Variants in RAB11FIP4 observed in about 807,000 individuals in gnomAD.
RAB11FIP4 encodes the protein rab11 family-interacting protein 4.
Under a neutral mutation model 74.3 loss-of-function variants are expected in RAB11FIP4, and 23 were observed. That is an observed-to-expected ratio of 0.31 (90% confidence interval 0.22 to 0.44). RAB11FIP4 has a LOEUF of 0.44. RAB11FIP4 is among the 20% of genes least tolerant of loss of function. The pLI is 1.00. For missense variants in RAB11FIP4, 630 were observed against 863.9 expected, an observed-to-expected ratio of 0.73 and a Z score of 3.39; for synonymous variants, 360 against 359.9, an observed-to-expected ratio of 1.00 and a Z score of 0.00.
intron 1 of RAB11FIP4, among the ~76,000 whole-genome samples, chr17:31,404,192 C>T (rs553134025): frequency 3.3e-4 from 51 of 152,360 alleles, no homozygotes; most frequent in African/African-American, 1.2e-3. Context: ...GTTGGCCGCC[C>T]CGCCAGCCCG....
At chr17:31,447,613 C>T (rs545261386) in intron 3 of RAB11FIP4, among the ~76,000 whole-genome samples, 2 of 152,266 alleles carry the variant, frequency 1.3e-5, no homozygotes, top group Admixed American at 6.5e-5. Context: ...ACCTCCGCCT[C>T]CCGGGTTCAA....
rs1160398821 is a variant in RAB11FIP4, at chr17:31,512,263, G to A, written c.337-5388G>A. On this transcript the variant is annotated intron_variant, in intron 3 of 14. Transcript: ENST00000621161. The surrounding 1 kb of genome is among the most constrained non-coding windows in gnomAD (Gnocchi z 4.1). ...CCGACTCTCCGGTGTAAATTGTCACGTGTGGCCCCCTAGAGCTGCCACTGA... is the reference window on the plus strand; with the variant it reads ...CCGACTCTCCGGTGTAAATTGTCACATGTGGCCCCCTAGAGCTGCCACTGA... Among the ~76,000 whole-genome samples, 2 of 152,104 alleles carry A rather than the reference G, an allele frequency of 1.3e-5. No individual in the cohort carries two copies. The highest frequency in any genetic ancestry group is 1.9e-4 in the East Asian group (1 of 5,188).
At chr17:31,463,805 T>A (rs1275423407) in intron 3 of RAB11FIP4, among the ~76,000 whole-genome samples, 2 of 76,684 alleles carry the variant, frequency 2.6e-5, no homozygotes, top group African/African-American at 1.2e-4. Flanking sequence ...CGCCTGGACT[T>A]TTTTTTTTTT....
rs1446327879 is a variant in RAB11FIP4 at position 31,505,560 on chromosome 17, T to TATA, written c.337-12091_337-12090insATA. The stretch of plus-strand genomic sequence containing the variant: ...TATTATATATTATATATAATAATAA[T>TATA]TATAATATATAATAATATATAATAA... On this transcript the variant is annotated intron_variant, in intron 3 of 14. Transcript: ENST00000621161. 6.7e-5 allele frequency among the ~76,000 whole-genome samples: 6 copies of TATA among 89,774 alleles called. No homozygotes were observed. In the Admixed American group the frequency reaches 9.6e-4, roughly 14 times the overall value. The allele number at this position is 89,774 out of a possible 152,430, so 58.9% of individuals were successfully genotyped here. A position where few individuals can be genotyped will look rare whatever the true frequency, so the allele number is the denominator to read the frequency against.
chr17:31,437,090 C>T (rs1410765370), intron 3 of RAB11FIP4, among the ~76,000 whole-genome samples: 1 of 152,204 alleles, frequency 6.6e-6, no homozygotes, highest in Non-Finnish European at 1.5e-5. Context: ...GAACTCCTTT[C>T]TGCCCTCCAT....
chr17:31,525,138 G>A lies in RAB11FIP4; in HGVS notation c.1182G>A (p.Glu394=), dbSNP rs1213048947. ...EMVKDQETTA[E]QALEEEARRH... Reference sequence around the variant, plus strand: ...TGAAGGATCAGGAGACCACGGCCGAGCAGGCTCTGGAGGAGGAGGCGCGGC... The same window carrying A: ...TGAAGGATCAGGAGACCACGGCCGAACAGGCTCTGGAGGAGGAGGCGCGGC... The change falls in exon 10 of 15, where the codon GAG becomes GAA. Residue 394 remains glutamate, a synonymous_variant. Coordinates refer to ENST00000621161, the MANE Select transcript of RAB11FIP4 (RefSeq NM_032932.6). 3.9e-6 allele frequency: 6 copies of A among 1,550,016 alleles called. No individual in the cohort carries two copies. Among genetic ancestry groups the A allele is most frequent in the South Asian group, 2.4e-5 (2 of 84,006 alleles).
At chr17:31,433,894 C>G in intron 2 of RAB11FIP4, 140 bp from the exon 3 acceptor site, 1 of 748,212 alleles carries the variant, frequency 1.3e-6, no homozygotes, top group South Asian at 1.6e-5. Flanking sequence ...TCCCTGCCTT[C>G]CAGTGCTCAG....
At chr17:31,431,638 G>A (rs2071310333) in intron 1 of RAB11FIP4, 175 bp from the exon 2 acceptor site, 1 of 562,134 alleles carries the variant, frequency 1.8e-6, no homozygotes, top group African/African-American at 2.0e-5. Flanking sequence ...CGAGTTGTCT[G>A]TCACCATGGG....
At chr17:31,519,830 C>T (rs777488843) in intron 4 of RAB11FIP4, among the ~76,000 whole-genome samples, 15 of 151,910 alleles carry the variant, frequency 9.9e-5, no homozygotes, top group Admixed American at 8.5e-4. Flanking sequence ...CCGTGCTGCT[C>T]GTGCTGCTCT....
chr17:31,473,898 G>A (rs961114613), intron 3 of RAB11FIP4, among the ~76,000 whole-genome samples: 29 of 152,222 alleles, frequency 1.9e-4, no homozygotes, highest in Non-Finnish European at 7.4e-5. Flanking sequence ...AGTGTTGGCT[G>A]CTGCAGACCG....
intron 3 of RAB11FIP4, among the ~76,000 whole-genome samples, chr17:31,508,110 G>C (rs1404543972): frequency 6.6e-6 from 1 of 152,192 alleles, no homozygotes; most frequent in African/African-American, 2.4e-5. Context: ...TTACAGGTGT[G>C]AGCCACTGTG....
At chr17:31,492,472 T>C (rs1385503870) in intron 3 of RAB11FIP4, among the ~76,000 whole-genome samples, 2 of 152,136 alleles carry the variant, frequency 1.3e-5, no homozygotes, top group Non-Finnish European at 2.9e-5. Flanking sequence ...GCAGGGTGTC[T>C]TGGCTACCTC....
At chr17:31,437,288 C>A (rs2071368294) in intron 3 of RAB11FIP4, among the ~76,000 whole-genome samples, 1 of 152,180 alleles carries the variant, frequency 6.6e-6, no homozygotes, top group Non-Finnish European at 1.5e-5. Context: ...CCTGACGGGG[C>A]AGACGGCTTC....
intron 1 of RAB11FIP4, among the ~76,000 whole-genome samples, chr17:31,410,653 G>A (rs2071085400): frequency 6.6e-6 from 1 of 152,180 alleles, no homozygotes; most frequent in East Asian, 1.9e-4. Context: ...CACCCTTGGA[G>A]GGGCTGGGAC....
At position 31,391,977 on chromosome 17, in the gene RAB11FIP4, C is replaced by A. The variant is rs1313522788; in HGVS notation, c.125C>A (p.Ala42Glu). Residue 42 changes from alanine (A) to glutamate (E), a missense_variant, in exon 1 of 15, where the codon GCG (alanine) becomes GAG (glutamate). Physicochemically the swap from Ala to Glu is moderately radical, Grantham distance 107. Coordinates refer to ENST00000621161, the MANE Select transcript of RAB11FIP4 (RefSeq NM_032932.6). ...GGCTTCCTGCGCGTGGAGCGCGTCG[C>A]GGCGCTCGGACTGCGCTTCGGCCAG... Reference protein sequence around the residue: ...PDGFLRVERVAALGLRFGQGE... With the variant: ...PDGFLRVERVEALGLRFGQGE... 7.3e-7 allele frequency: 1 copy of A among 1,363,496 alleles called. No individual in the cohort carries two copies. The highest frequency in any genetic ancestry group is 9.5e-7 in the Non-Finnish European group (1 of 1,056,408). The allele number at this position is 1,363,496 out of a possible 1,614,324, so 84.5% of individuals were successfully genotyped here.
intron 1 of RAB11FIP4, among the ~76,000 whole-genome samples, chr17:31,406,160 G>A (rs940568300): frequency 2.0e-5 from 3 of 152,228 alleles, no homozygotes; most frequent in Non-Finnish European, 4.4e-5. Flanking sequence ...AGGGCGGAAG[G>A]GGGGTTGTCT....
intron 3 of RAB11FIP4, among the ~76,000 whole-genome samples, chr17:31,472,991 C>T (rs1012694010): frequency 6.6e-6 from 1 of 151,612 alleles, no homozygotes; most frequent in African/African-American, 2.4e-5. Context: ...CGAGATTATG[C>T]CACTACACTC....
chr17:31,434,836 T>C (rs34759865), intron 3 of RAB11FIP4, among the ~76,000 whole-genome samples: 26,726 of 152,196 alleles, frequency 0.18, 2,625 homozygotes, highest in East Asian at 0.32. Flanking sequence ...TTAGGGGCGC[T>C]GCCTCCCAGC....
intron 2 of RAB11FIP4, among the ~76,000 whole-genome samples, 199 bp downstream of exon 2, chr17:31,432,099 G>A (rs1352370943): frequency 6.6e-6 from 1 of 152,170 alleles, no homozygotes; most frequent in Non-Finnish European, 1.5e-5. Flanking sequence ...GGGGGCTGTG[G>A]TCTCACCCAT....
Sources: allele counts gnomAD v4.1 joint callset (sites outside exome capture counted in the v4.1 genomes callset), GRCh38; gene constraint gnomAD v4.1.1; non-coding constraint Gnocchi (gnomAD v3.1); transcripts MANE v1.5; gene names NCBI Gene and HGNC (gene_info 2026-07-23, HGNC 2026-07-21).